DYSF: variants seen among roughly 807,000 people sequenced by gnomAD.
DYSF encodes the protein dystrophy-associated fer-1-like 1.
A neutral mutation model predicts 274.9 loss-of-function variants in DYSF; 212 were observed. The ratio of observed to expected loss-of-function variants is 0.77; its 90% CI spans 0.69 to 0.86. The LOEUF (loss-of-function observed/expected upper bound fraction) is 0.86. Among genes scored for constraint, DYSF ranks in the 40% least tolerant of loss-of-function variants. The pLI is 0.00. For missense variants in DYSF, 2,666 were observed against 2,783.2 expected (o/e 0.96, Z 0.95); for synonymous variants, 1,091 against 1,078.7 (o/e 1.01, Z -0.22).
intron 30 of DYSF, among the ~76,000 whole-genome samples, chr2:71,581,634 C>G (rs930338406): frequency 6.6e-6 from 1 of 152,150 alleles, no homozygotes; most frequent in African/African-American, 2.4e-5. Flanking sequence ...GTAGTAGGAG[C>G]CTGGGAAGAG....
chr2:71,552,139 A>G (rs754270728), intron 19 of DYSF, among the ~76,000 whole-genome samples: 1 of 152,128 alleles, frequency 6.6e-6, no homozygotes, highest in Admixed American at 6.5e-5. Context: ...CATTTCACAG[A>G]TGAGGAAACA....
At chr2:71,526,416 G>GA in intron 13 of DYSF, 70 bp downstream of exon 13, 1 of 513,690 alleles carries the variant, frequency 1.9e-6, no homozygotes, top group Non-Finnish European at 3.7e-6. Context: ...GGGGGTGGGC[G>GA]ATGGCGGGCG....
intron 52 of DYSF, among the ~76,000 whole-genome samples, chr2:71,678,072 T>C (rs1023157547): frequency 1.3e-5 from 2 of 152,366 alleles, no homozygotes; most frequent in East Asian, 1.9e-4. Context: ...TTGCATATAC[T>C]TAATAAGATA....
chr2:71,515,820 C>T, intron 8 of DYSF, 69 bp downstream of exon 8: 1 of 1,604,154 alleles, frequency 6.2e-7, no homozygotes, highest in African/African-American at 1.3e-5. Flanking sequence ...AGTGCAGACA[C>T]CTGGCAATTC....
chr2:71,557,270 T>C (rs942820509), intron 22 of DYSF, among the ~76,000 whole-genome samples: 2 of 152,158 alleles, frequency 1.3e-5, no homozygotes, highest in Non-Finnish European at 2.9e-5. Context: ...ACAAATTGAA[T>C]TCAGGGAAGC....
At chr2:71,653,795 A>C (rs1045505638) in intron 42 of DYSF, among the ~76,000 whole-genome samples, 1 of 152,042 alleles carries the variant, frequency 6.6e-6, no homozygotes, top group African/African-American at 2.4e-5. Flanking sequence ...ATGTACCCTA[A>C]AACTTAAAGT....
At chr2:71,526,414 G>C in intron 13 of DYSF, 68 bp downstream of exon 13, 1 of 1,343,008 alleles carries the variant, frequency 7.4e-7, no homozygotes, top group Non-Finnish European at 1.0e-6. Context: ...GTGGGGGTGG[G>C]CGATGGCGGG....
intron 38 of DYSF, 110 bp downstream of exon 38, chr2:71,611,736 G>A: frequency 7.3e-7 from 1 of 1,366,816 alleles, no homozygotes; most frequent in Non-Finnish European, 1.0e-6. Flanking sequence ...ATCCAGGGTA[G>A]GACCCCTCAC....
At chr2:71,682,759 A>G in intron 55 of DYSF, 82 bp downstream of exon 55, 1 of 1,533,598 alleles carries the variant, frequency 6.5e-7, no homozygotes, top group Non-Finnish European at 8.8e-7. Flanking sequence ...GAGCTCTCCC[A>G]GTCTAATGGA....
intron 35 of DYSF, 145 bp downstream of exon 35, chr2:71,601,673 C>G: frequency 3.6e-6 from 4 of 1,110,492 alleles, no homozygotes; most frequent in Non-Finnish European, 4.0e-6. Flanking sequence ...AGAGGAGGGC[C>G]CGGGCTGGAG....
intron 42 of DYSF, among the ~76,000 whole-genome samples, chr2:71,653,420 A>T (rs1033187103): frequency 3.9e-5 from 6 of 152,124 alleles, no homozygotes; most frequent in African/African-American, 9.7e-5. Flanking sequence ...CAAATGTCCA[A>T]CAATGATAGA....
rs770877165 is a variant in DYSF, at chr2:71,589,658, C to G, written c.3468C>G (p.Asn1156Lys). ...TCTCCACCTTGAGCTTCGGTGTGAA[C>G]AGACCCACGATTTCCTGCATATTCG... ...MSVSTLSFGVNRPTISCIFDY... is the reference protein window; with the variant it reads ...MSVSTLSFGVKRPTISCIFDY... Residue 1156 changes from asparagine to lysine, a missense_variant, in exon 31 of 56, where the codon AAC (asparagine) becomes AAG (lysine). By Grantham distance (94) the Asn-to-Lys change is moderately conservative. This residue lies in a region of DYSF where 1,460 missense variants were observed against 1,502.1 expected (regional missense o/e 0.97). Coordinates refer to ENST00000410020, the MANE Select transcript of DYSF (RefSeq NM_001130987.2). 1 of 1,614,182 alleles carries G rather than the reference C, an allele frequency of 6.2e-7. No homozygotes were observed.
exon 1 of DYSF, chr2:71,453,608 C>T (rs1053470913): frequency 5.9e-6 from 2 of 337,298 alleles, no homozygotes; most frequent in African/African-American, 4.3e-5. Flanking sequence ...AGCCCTAGTC[C>T]AGCCCCCGGC....
In DYSF at chr2:71,685,950, C is replaced by T. The variant is rs117496451; in HGVS notation, c.6322-504C>T. Among the ~76,000 whole-genome samples, 411 of 152,264 alleles carry T rather than the reference C, an allele frequency of 2.7e-3. 16 individuals carry two copies. The East Asian group carries it at 0.063, about 23-fold the overall frequency. On this transcript the variant is annotated intron_variant, in intron 55 of 55. Coordinates refer to ENST00000410020, the MANE Select transcript of DYSF (RefSeq NM_001130987.2). ...GCTGGGCTGTGCCGTGGGTCATCCA[C>T]GACAGCCCATCCCCAACTCTCTCTC...
chr2:71,622,085 C>T (rs1490366109), intron 41 of DYSF, among the ~76,000 whole-genome samples: 1 of 139,394 alleles, frequency 7.2e-6, no homozygotes, highest in Admixed American at 7.1e-5. Flanking sequence ...CCTTAAAGGA[C>T]TTATTTTAGT....
chr2:71,522,726 CTTA>C (rs1278546413), intron 12 of DYSF, among the ~76,000 whole-genome samples: 1 of 152,160 alleles, frequency 6.6e-6, no homozygotes, highest in Non-Finnish European at 1.5e-5. Context: ...GTAAATCTAA[CTTA>C]TTATAGCAAA....
intron 36 of DYSF, among the ~76,000 whole-genome samples, chr2:71,609,628 G>A (rs529689956): frequency 6.6e-6 from 1 of 152,336 alleles, no homozygotes; most frequent in East Asian, 1.9e-4. Flanking sequence ...CTGAAGTTGA[G>A]TAATCTGTCC....
intron 53 of DYSF, among the ~76,000 whole-genome samples, chr2:71,679,896 A>G (rs887172078): frequency 1.3e-5 from 2 of 152,178 alleles, no homozygotes; most frequent in African/African-American, 2.4e-5. Flanking sequence ...GCATTTTTAA[A>G]AAGGTTTAGT....
intron 36 of DYSF, among the ~76,000 whole-genome samples, chr2:71,609,305 T>G (rs1228255360): frequency 6.6e-6 from 1 of 152,202 alleles, no homozygotes; most frequent in African/African-American, 2.4e-5. Flanking sequence ...TCCTGCATCA[T>G]GTCACCTGCA....
Sources: allele counts gnomAD v4.1 joint callset (sites outside exome capture counted in the v4.1 genomes callset), GRCh38; gene constraint gnomAD v4.1.1; regional missense constraint gnomAD v4.1.1; transcripts MANE v1.5; gene names NCBI Gene and HGNC (gene_info 2026-07-23, HGNC 2026-07-21).